CCDC81: variants seen among roughly 807,000 people sequenced by gnomAD.
CCDC81 encodes the protein coiled-coil domain-containing protein 81.
In CCDC81, 79 loss-of-function variants were observed where a neutral mutation model predicts 83.7. The observed-to-expected ratio is 0.94, with a 90% confidence interval of 0.79 to 1.14. The LOEUF is 1.14. CCDC81 is among the 50% of genes most tolerant of loss of function. The probability of loss-of-function intolerance (pLI) is 0.00; values close to 1 mark genes in which losing one functional copy is unlikely to be tolerated. For missense variants in CCDC81, 791 were observed against 778.1 expected (o/e 1.02, Z -0.20); for synonymous variants, 252 against 278.1 (o/e 0.91, Z 0.93).
At chr11:86,420,522 C>A (rs1948775927) in intron 14 of CCDC81, among the ~76,000 whole-genome samples, 1 of 151,704 alleles carries the variant, frequency 6.6e-6, no homozygotes, top group South Asian at 2.1e-4. Flanking sequence ...CAATCCTCAG[C>A]TTAAATATTC....
intron 7 of CCDC81, among the ~76,000 whole-genome samples, chr11:86,404,441 C>A (rs1283969260): frequency 6.6e-6 from 1 of 152,180 alleles, no homozygotes; most frequent in Non-Finnish European, 1.5e-5. Flanking sequence ...CACTCTCTGG[C>A]TGTTTTCATA....
At chr11:86,402,134 CAAAA>C (rs540502448) in intron 7 of CCDC81, among the ~76,000 whole-genome samples, 1 of 89,192 alleles carries the variant, frequency 1.1e-5, no homozygotes, top group Non-Finnish European at 2.1e-5. Context: ...GACTCTGTCT[CAAAA>C]AAAAAAAAAA....
At chr11:86,396,233 C>G (rs1046849445) in intron 5 of CCDC81, among the ~76,000 whole-genome samples, 2 of 152,146 alleles carry the variant, frequency 1.3e-5, no homozygotes, top group Non-Finnish European at 2.9e-5. Context: ...AACCATGTGA[C>G]TTATGTATTA....
chr11:86,405,690 T>A (rs1191794996), intron 7 of CCDC81, among the ~76,000 whole-genome samples: 1 of 152,350 alleles, frequency 6.6e-6, no homozygotes, highest in East Asian at 1.9e-4. Context: ...GTTTTAAGTG[T>A]TAAAACATTT....
At chr11:86,413,690 T>C (rs1948676756) in intron 11 of CCDC81, among the ~76,000 whole-genome samples, 1 of 152,246 alleles carries the variant, frequency 6.6e-6, no homozygotes, top group African/African-American at 2.4e-5. Flanking sequence ...GGGACTCGTC[T>C]TGAGCAGCTG....
intron 1 of CCDC81, among the ~76,000 whole-genome samples, chr11:86,377,968 C>CTTGTTTTTTTTT (rs1948120551): frequency 1.4e-5 from 1 of 73,348 alleles, no homozygotes; most frequent in Non-Finnish European, 2.4e-5. Context: ...TGCCTAGGTT[C>CTTGTTTTTTTTT]TTTTTTTTTT....
chr11:86,375,246 A>G lies in CCDC81; in HGVS notation c.79+4A>G. 1 of 1,608,170 alleles carries G rather than the reference A, an allele frequency of 6.2e-7. No homozygotes were observed. Among genetic ancestry groups the G allele is most frequent in the Non-Finnish European group, 8.5e-7 (1 of 1,179,332 alleles). On this transcript the variant is annotated splice_donor_region_variant and intron_variant, in intron 1 of 14. Coordinates refer to ENST00000445632, the MANE Select transcript of CCDC81 (RefSeq NM_001156474.2). ...CTGCCCTCGCTGAGCCAGGAGGGTA[A>G]GCGTGTTGGGTAGCAGGGGGTGGCC... is the stretch of plus-strand genomic sequence containing the variant.
chr11:86,379,813 C>CA (rs1418354828), intron 1 of CCDC81, among the ~76,000 whole-genome samples: 1 of 151,870 alleles, frequency 6.6e-6, no homozygotes, highest in African/African-American at 2.4e-5. Context: ...CTTGTCTGTA[C>CA]AAAAAATTAA....
At chr11:86,403,494 T>C (rs750270870) in intron 7 of CCDC81, among the ~76,000 whole-genome samples, 6 of 152,300 alleles carry the variant, frequency 3.9e-5, no homozygotes, top group Non-Finnish European at 8.8e-5. Context: ...AAAAAAATAT[T>C]CTTTTAGAAG....
intron 6 of CCDC81, among the ~76,000 whole-genome samples, chr11:86,399,151 A>C (rs1200048748): frequency 2.0e-5 from 3 of 152,350 alleles, no homozygotes; most frequent in African/African-American, 7.2e-5. Flanking sequence ...TAATTAGGCC[A>C]AACAAAACAT....
At chr11:86,410,243 C>T (rs963948060) in intron 10 of CCDC81, among the ~76,000 whole-genome samples, 18 of 152,236 alleles carry the variant, frequency 1.2e-4, no homozygotes, top group African/African-American at 4.1e-4. Context: ...GTCGACACTC[C>T]GGACATAAAT....
rs995656394 is a variant in CCDC81, at chr11:86,397,864, T to G, written c.757+122T>G. The G allele has an allele frequency of 2.6e-6, 3 of 1,148,926 alleles. No homozygotes were observed. In the African/African-American group the frequency reaches 4.8e-5, roughly 18 times the overall value. The allele number at this position is 1,148,926 out of a possible 1,614,324, so 71.2% of individuals were successfully genotyped here. A position where few individuals can be genotyped will look rare whatever the true frequency, so the allele number is the denominator to read the frequency against. On this transcript the variant is annotated intron_variant, in intron 6 of 14. Coordinates refer to ENST00000445632, the MANE Select transcript of CCDC81 (RefSeq NM_001156474.2). ...TAATCACTATATTATTATTACTTTT[T>G]TTTTTGAGATGGAGTCTCGCTGTTG... is the stretch of plus-strand genomic sequence containing the variant.
chr11:86,401,670 C>A (rs1482430519), intron 7 of CCDC81, among the ~76,000 whole-genome samples: 1 of 151,916 alleles, frequency 6.6e-6, no homozygotes, highest in African/African-American at 2.4e-5. Flanking sequence ...GATGTATAAA[C>A]CTGCTTTTAT....
rs543236506 is a variant in CCDC81 at position 86,395,241 on chromosome 11, C to T, written c.556-93C>T. 74 of 870,132 alleles carry T rather than the reference C, an allele frequency of 8.5e-5. No homozygotes were observed. In the African/African-American group the frequency reaches 1.0e-3, roughly 12 times the overall value. 53.9% of individuals were successfully genotyped at this position (870,132 alleles called of 1,614,324 possible). A position where few individuals can be genotyped will look rare whatever the true frequency, so the allele number is the denominator to read the frequency against. On this transcript the variant is annotated intron_variant, in intron 4 of 14. Coordinates refer to ENST00000445632, the MANE Select transcript of CCDC81 (RefSeq NM_001156474.2). ...ACATAAACAACAACAAGAAAAGTATCGTGGTAGCCTTGCCTATGAGCCTGC... is the reference window on the plus strand; with the variant it reads ...ACATAAACAACAACAAGAAAAGTATTGTGGTAGCCTTGCCTATGAGCCTGC...
chr11:86,407,873 G>A (rs1241166280), intron 8 of CCDC81, among the ~76,000 whole-genome samples, 172 bp downstream of exon 8: 1 of 151,880 alleles, frequency 6.6e-6, no homozygotes, highest in Non-Finnish European at 1.5e-5. Flanking sequence ...AAGATGTACT[G>A]GTAAACAAAA....
At chr11:86,409,198 G>A in intron 9 of CCDC81, 63 bp from the exon 10 acceptor site, 1 of 762,390 alleles carries the variant, frequency 1.3e-6, no homozygotes. Context: ...AAATTTTTGG[G>A]GGCTCCACTT....
intron 2 of CCDC81, among the ~76,000 whole-genome samples, chr11:86,387,158 A>C (rs17210497): frequency 0.16 from 23,941 of 152,200 alleles, 2,077 homozygotes; most frequent in East Asian, 0.33. Context: ...TGCCCTCTTA[A>C]ATTCCTCTAA....
intron 10 of CCDC81, 53 bp from the exon 11 acceptor site, chr11:86,412,334 A>T: frequency 7.5e-7 from 1 of 1,325,606 alleles, no homozygotes; most frequent in Non-Finnish European, 1.0e-6. Context: ...CTGAATTATT[A>T]ACCTTGTTTT....
intron 6 of CCDC81, among the ~76,000 whole-genome samples, chr11:86,398,388 A>T (rs376642078): frequency 9.2e-5 from 14 of 152,282 alleles, no homozygotes; most frequent in Admixed American, 4.6e-4. Flanking sequence ...TAACATTTCT[A>T]ATGAAAAACA....
Sources: allele counts gnomAD v4.1 joint callset (sites outside exome capture counted in the v4.1 genomes callset), GRCh38; gene constraint gnomAD v4.1.1; transcripts MANE v1.5; gene names NCBI Gene and HGNC (gene_info 2026-07-23, HGNC 2026-07-21).